Variants in MGAT4C observed in about 807,000 individuals in gnomAD.
MGAT4C encodes MGAT4 family member C, also known as alpha-1,3-mannosyl-glycoprotein 4-beta-N-acetylglucosaminyltransferase C.
In MGAT4C, 19 loss-of-function variants were observed where a neutral mutation model predicts 40.1. The observed-to-expected ratio is 0.47, with a 90% CI of 0.33 to 0.70. The LOEUF (loss-of-function observed/expected upper bound fraction) is 0.70, where lower values mean the gene tolerates loss of function less well. Among genes scored for constraint, MGAT4C ranks in the 30% least tolerant of loss-of-function variants. The pLI is 0.02. For missense variants in MGAT4C, 491 were observed against 563.2 expected (o/e 0.87, Z 1.30); for synonymous variants, 181 against 187.1 (o/e 0.97, Z 0.27).
rs1340185400 is a variant in MGAT4C, at chr12:86,803,687, G to A, written c.-262+34979C>T. Among the ~76,000 whole-genome samples, 61 of 150,688 alleles carry A rather than the reference G, an allele frequency of 4.0e-4. No individual in the cohort carries two copies. The South Asian group carries it at 4.4e-3, about 11-fold the overall frequency. On this transcript the variant is annotated intron_variant, in intron 1 of 7. Coordinates refer to the MGAT4C transcript ENST00000548651. The stretch of plus-strand genomic sequence containing the variant: ...AAAATGCTCATCATCACTGGCCATC[G>A]GAGAAATGCAAATCAAAACCACTAT...
At chr12:86,740,192 G>T (rs1951047246) in intron 1 of MGAT4C, among the ~76,000 whole-genome samples, 1 of 151,044 alleles carries the variant, frequency 6.6e-6, no homozygotes, top group African/African-American at 2.4e-5. Context: ...GAAGACAATA[G>T]AATTAATTTT....
At chr12:86,112,528 T>A (rs576505690) in intron 1 of MGAT4C, among the ~76,000 whole-genome samples, 3 of 151,852 alleles carry the variant, frequency 2.0e-5, no homozygotes, top group African/African-American at 7.2e-5. Context: ...ATCTATTATA[T>A]GCCTCTTATT....
At chr12:86,187,475 C>G (rs1315001916) in intron 1 of MGAT4C, among the ~76,000 whole-genome samples, 1 of 151,934 alleles carries the variant, frequency 6.6e-6, no homozygotes, top group Admixed American at 6.6e-5. Context: ...CTTTGCATTA[C>G]TTTTTTCCTA....
chr12:86,775,777 A>G (rs1262936625), intron 1 of MGAT4C, among the ~76,000 whole-genome samples: 1 of 151,610 alleles, frequency 6.6e-6, no homozygotes, highest in Admixed American at 6.6e-5. Flanking sequence ...ATAATTTACT[A>G]TTTCTGAATC....
chr12:86,054,648 A>T (rs1252435726), intron 1 of MGAT4C, among the ~76,000 whole-genome samples: 3 of 151,972 alleles, frequency 2.0e-5, no homozygotes. Flanking sequence ...ATATTTTAAA[A>T]CATCATGTTT....
intron 3 of MGAT4C, among the ~76,000 whole-genome samples, chr12:86,434,115 T>C (rs933826387): frequency 6.6e-6 from 1 of 152,022 alleles, no homozygotes; most frequent in Non-Finnish European, 1.5e-5. Flanking sequence ...TATTTAAATC[T>C]CATAGATATA....
intron 2 of MGAT4C, among the ~76,000 whole-genome samples, chr12:86,520,001 T>C (rs1958764580): frequency 6.6e-6 from 1 of 152,152 alleles, no homozygotes; most frequent in Admixed American, 6.5e-5. Context: ...TTTCCCCCAA[T>C]GTTTTTTTCT....
At chr12:86,316,845 G>A (rs1378434278) in intron 4 of MGAT4C, among the ~76,000 whole-genome samples, 1 of 151,940 alleles carries the variant, frequency 6.6e-6, no homozygotes, top group Admixed American at 6.6e-5. Flanking sequence ...GCCTGCCTAC[G>A]TACCACTCAT....
intron 1 of MGAT4C, among the ~76,000 whole-genome samples, chr12:86,144,893 A>G (rs138289980): frequency 2.4e-4 from 37 of 152,246 alleles, no homozygotes; most frequent in African/African-American, 7.0e-4. Flanking sequence ...TATTTTATCA[A>G]TAAGGGAGTA....
At chr12:86,211,494 G>A (rs1289271945) in intron 1 of MGAT4C, among the ~76,000 whole-genome samples, 1 of 151,388 alleles carries the variant, frequency 6.6e-6, no homozygotes, top group African/African-American at 2.4e-5. Flanking sequence ...GGCTGAGGCG[G>A]GAGAATGGCT....
At chr12:86,011,492 G>T (rs1888458276) in intron 2 of MGAT4C, among the ~76,000 whole-genome samples, 1 of 152,154 alleles carries the variant, frequency 6.6e-6, no homozygotes, top group African/African-American at 2.4e-5. Context: ...AATATTTTCT[G>T]CCTGACCATC....
At chr12:86,159,519 C>T (rs1885354056) in intron 1 of MGAT4C, among the ~76,000 whole-genome samples, 1 of 151,596 alleles carries the variant, frequency 6.6e-6, no homozygotes, top group Non-Finnish European at 1.5e-5. Flanking sequence ...ATTTTAGTAT[C>T]AGGCTGATGC....
At chr12:86,633,404 G>A (rs1395740698) in intron 2 of MGAT4C, among the ~76,000 whole-genome samples, 6 of 152,020 alleles carry the variant, frequency 3.9e-5, no homozygotes, top group Admixed American at 2.6e-4. Context: ...TAGACTTACA[G>A]TAATGCTTAA....
intron 1 of MGAT4C, among the ~76,000 whole-genome samples, chr12:86,141,131 G>A (rs141208432): frequency 2.6e-5 from 4 of 152,292 alleles, no homozygotes; most frequent in Non-Finnish European, 5.9e-5. Flanking sequence ...ACATAGACAA[G>A]TGTAGATAAG....
intron 2 of MGAT4C, among the ~76,000 whole-genome samples, chr12:86,552,711 A>G (rs1959426427): frequency 6.6e-6 from 1 of 152,134 alleles, no homozygotes; most frequent in Admixed American, 6.5e-5. Flanking sequence ...TTAGGAAGGT[A>G]GAGAATGTGA....
intron 1 of MGAT4C, among the ~76,000 whole-genome samples, chr12:86,780,536 T>C (rs1951819556): frequency 6.6e-6 from 1 of 152,156 alleles, no homozygotes; most frequent in Non-Finnish European, 1.5e-5. Context: ...TCCCCTTTGC[T>C]CTCTTTCTCC....
At chr12:86,490,701 A>T (rs1312827093) in intron 2 of MGAT4C, among the ~76,000 whole-genome samples, 4 of 152,144 alleles carry the variant, frequency 2.6e-5, no homozygotes, top group Admixed American at 1.3e-4. Context: ...GGCTCAAAAT[A>T]AAAGGATGGA....
At chr12:86,024,664 G>A (rs1406410611) in intron 2 of MGAT4C, among the ~76,000 whole-genome samples, 1 of 151,710 alleles carries the variant, frequency 6.6e-6, no homozygotes, top group Non-Finnish European at 1.5e-5. Context: ...AGTTTAAGAA[G>A]AAAGATGTCA....
At chr12:86,536,272 A>C (rs977124318) in intron 2 of MGAT4C, among the ~76,000 whole-genome samples, 2 of 152,144 alleles carry the variant, frequency 1.3e-5, no homozygotes, top group Non-Finnish European at 2.9e-5. Flanking sequence ...CATTATTTAC[A>C]TAATATGAAT....
Sources: allele counts gnomAD v4.1 joint callset (sites outside exome capture counted in the v4.1 genomes callset), GRCh38; gene constraint gnomAD v4.1.1; transcripts MANE v1.5; gene names NCBI Gene and HGNC (gene_info 2026-07-23, HGNC 2026-07-21).